INTS9: variants seen among roughly 807,000 people sequenced by gnomAD.
The protein encoded by INTS9 is integrator complex subunit 9.
A neutral mutation model predicts 79.7 loss-of-function variants in INTS9; 55 were observed. That is an observed-to-expected ratio of 0.69 (90% CI 0.56 to 0.86). The LOEUF is 0.86. Ranked by LOEUF, INTS9 falls within the 40% of genes least tolerant of loss-of-function variation. The pLI, the probability that INTS9 is intolerant of heterozygous loss-of-function variation, is 0.00. For missense variants in INTS9, 721 were observed against 831.5 expected (o/e 0.87, Z 1.64); for synonymous variants, 319 against 325.2 (o/e 0.98, Z 0.20).
At chr8:28,803,859 T>A (rs966283836) in intron 8 of INTS9, among the ~76,000 whole-genome samples, 3 of 152,218 alleles carry the variant, frequency 2.0e-5, no homozygotes, top group Non-Finnish European at 2.9e-5. Flanking sequence ...AAGATGTCTA[T>A]TATAACTCCT....
At chr8:28,846,625 A>T in intron 4 of INTS9, 122 bp downstream of exon 4, 1 of 728,174 alleles carries the variant, frequency 1.4e-6, no homozygotes, top group Non-Finnish European at 2.4e-6. Context: ...ATGTGCCTGG[A>T]ATAACAGATT....
intron 6 of INTS9, among the ~76,000 whole-genome samples, chr8:28,834,628 C>A (rs1025220210): frequency 6.6e-6 from 1 of 151,742 alleles, no homozygotes; most frequent in Non-Finnish European, 1.5e-5. Flanking sequence ...CCTTCCTAAG[C>A]AGAGTTCTTC....
At chr8:28,846,697 C>T (rs769484884) in intron 4 of INTS9, 50 bp downstream of exon 4, 3 of 1,312,548 alleles carry the variant, frequency 2.3e-6, no homozygotes, top group Non-Finnish European at 3.3e-6. Flanking sequence ...TCATTTTGAG[C>T]AATTACATAA....
chr8:28,855,207 C>T (rs548721887), intron 2 of INTS9, among the ~76,000 whole-genome samples: 1 of 152,266 alleles, frequency 6.6e-6, no homozygotes, highest in Admixed American at 6.5e-5. Context: ...TGTGACTGCT[C>T]TGAAGGAGTC....
chr8:28,820,540 A>G (rs1010281528), intron 6 of INTS9, among the ~76,000 whole-genome samples: 1 of 152,210 alleles, frequency 6.6e-6, no homozygotes, highest in African/African-American at 2.4e-5. Context: ...TGGATAACCC[A>G]ACCTTTCTCT....
At chr8:28,800,918 T>C (rs527818947) in intron 8 of INTS9, among the ~76,000 whole-genome samples, 2 of 152,224 alleles carry the variant, frequency 1.3e-5, no homozygotes, top group East Asian at 1.9e-4. Context: ...ACAAACAAGA[T>C]AGCAAGCGTG....
rs192373785 is a variant in INTS9, at chr8:28,836,153, T to A, written c.402-775A>T. Among the ~76,000 whole-genome samples, 699 of 152,298 alleles carry A rather than the reference T, an allele frequency of 4.6e-3. 4 individuals are homozygous for A. Among genetic ancestry groups the A allele is most frequent in the African/African-American group, 0.016 (649 of 41,540 alleles). ...ATGGATAAAATAAGTTTTCTTGATA[T>A]GTTTTAGGAATTAGCAAAATTCCAT... On this transcript the variant is annotated intron_variant, in intron 5 of 16. Transcript: ENST00000521022.
chr8:28,881,295 G>A (rs1376991241), intron 1 of INTS9, among the ~76,000 whole-genome samples: 528 of 137,574 alleles, frequency 3.8e-3, no homozygotes, highest in East Asian at 0.032. Context: ...AGTCCGGGAG[G>A]GAGGTGGGGG....
At chr8:28,852,037 A>G (rs1435790242) in intron 2 of INTS9, among the ~76,000 whole-genome samples, 1 of 152,058 alleles carries the variant, frequency 6.6e-6, no homozygotes, top group Non-Finnish European at 1.5e-5. Context: ...TGGGCATCAT[A>G]GTAAGACCCT....
chr8:28,838,639 T>C (rs1806968641), intron 4 of INTS9, among the ~76,000 whole-genome samples: 2 of 152,130 alleles, frequency 1.3e-5, no homozygotes, highest in South Asian at 2.1e-4. Context: ...TATTTCTTTT[T>C]GAGACAGAGT....
intron 1 of INTS9, among the ~76,000 whole-genome samples, chr8:28,870,557 C>CG (rs1809033114): frequency 6.6e-6 from 1 of 152,024 alleles, no homozygotes; most frequent in Admixed American, 6.6e-5. Context: ...TAGTGTATGT[C>CG]GGTTCAGGAG....
chr8:28,839,053 C>A (rs972648384), intron 4 of INTS9, among the ~76,000 whole-genome samples: 1 of 152,044 alleles, frequency 6.6e-6, no homozygotes, highest in Non-Finnish European at 1.5e-5. Flanking sequence ...AGGAGCTAAC[C>A]CTGGGAAATA....
rs766078408 is a variant in INTS9 at position 28,775,767 on chromosome 8, T to G, written c.1555A>C (p.Met519Leu). ...GAAGGAGAACAGCTCACCTCTGGCATGATCTCGATCTTCTCGTACCGACGT... is the reference window on the plus strand; with the variant it reads ...GAAGGAGAACAGCTCACCTCTGGCAGGATCTCGATCTTCTCGTACCGACGT... ...FKRRYEKIEIMPELADSLVPM... is the reference protein window; with the variant it reads ...FKRRYEKIEILPELADSLVPM... The change falls in exon 14 of 17, where the codon ATG becomes CTG. Residue 519 changes from methionine to leucine, a missense_variant. Coordinates refer to ENST00000521022, the MANE Select transcript of INTS9 (RefSeq NM_018250.4). 6.2e-7 allele frequency: 1 copy of G among 1,613,958 alleles called. No individual in the cohort carries two copies. Among genetic ancestry groups the G allele is most frequent in the Non-Finnish European group, 8.5e-7 (1 of 1,180,010 alleles).
chr8:28,783,051 A>G (rs1803386379), intron 11 of INTS9, among the ~76,000 whole-genome samples: 2 of 149,512 alleles, frequency 1.3e-5, no homozygotes, highest in South Asian at 4.3e-4. Flanking sequence ...AGGCTGAGGC[A>G]GGAGAATGGC....
chr8:28,783,204 C>G (rs1037102692), intron 11 of INTS9, among the ~76,000 whole-genome samples: 1 of 149,544 alleles, frequency 6.7e-6, no homozygotes, highest in Admixed American at 6.6e-5. Flanking sequence ...AGCTTTCTTT[C>G]AAGTGTACGT....
At chr8:28,837,842 A>C in intron 4 of INTS9, 66 bp from the exon 5 acceptor site, 3 of 1,473,854 alleles carry the variant, frequency 2.0e-6, no homozygotes, top group Non-Finnish European at 9.2e-7. Context: ...GTGACTAAAA[A>C]ACGACGTTGT....
chr8:28,786,485 G>T (rs1803598728), intron 11 of INTS9, among the ~76,000 whole-genome samples: 1 of 151,994 alleles, frequency 6.6e-6, no homozygotes, highest in South Asian at 2.1e-4. Flanking sequence ...TAGAGACAGG[G>T]TTTTGCCATG....
chr8:28,867,482 C>G (rs1166609540), intron 1 of INTS9, among the ~76,000 whole-genome samples: 1 of 144,612 alleles, frequency 6.9e-6, no homozygotes, highest in Non-Finnish European at 1.5e-5. Flanking sequence ...GAGGCTGAGA[C>G]AGGAGAATCA....
chr8:28,875,277 A>C (rs954817918), intron 1 of INTS9, among the ~76,000 whole-genome samples: 1 of 150,402 alleles, frequency 6.6e-6, no homozygotes, highest in Non-Finnish European at 1.5e-5. Flanking sequence ...ACTGCTACAG[A>C]GCACTACAAA....
Sources: gnomAD v4.1 joint callset for allele counts (sites outside exome capture counted in the v4.1 genomes callset) on GRCh38, gnomAD v4.1.1 for gene constraint, MANE v1.5 for transcripts, NCBI Gene and HGNC (gene_info 2026-07-23, HGNC 2026-07-21) for gene names.